Variants in MAST4 observed in about 807,000 individuals in gnomAD.
MAST4 encodes the protein microtubule associated serine/threonine kinase family member 4.
In MAST4, 89 loss-of-function variants were observed where a neutral mutation model predicts 162.7. The ratio of observed to expected loss-of-function variants is 0.55; its 90% CI spans 0.46 to 0.65. MAST4 has a LOEUF of 0.65. Among genes scored for constraint, MAST4 ranks in the 30% least tolerant of loss-of-function variants. The pLI is 0.00. For missense variants in MAST4, 3,153 were observed against 3,374.0 expected, an observed-to-expected ratio of 0.93 and a Z score of 1.62; for synonymous variants, 1,479 against 1,361.1, an observed-to-expected ratio of 1.09 and a Z score of -1.91.
At chr5:66,882,233 G>T (rs1277107766) in intron 3 of MAST4, among the ~76,000 whole-genome samples, 1 of 152,080 alleles carries the variant, frequency 6.6e-6, no homozygotes, top group East Asian at 1.9e-4. Context: ...AATTTATCCT[G>T]CCTAGGATTT....
chr5:66,674,103 C>G (rs1747804043), intron 1 of MAST4, among the ~76,000 whole-genome samples: 1 of 152,180 alleles, frequency 6.6e-6, no homozygotes, highest in Non-Finnish European at 1.5e-5. Context: ...TGTGGCTAAT[C>G]ATTGGGTCAT....
At chr5:66,937,144 A>G (rs192448139) in intron 4 of MAST4, among the ~76,000 whole-genome samples, 29 of 152,330 alleles carry the variant, frequency 1.9e-4, no homozygotes, top group Middle Eastern at 3.4e-3. Context: ...ACTATTTAAT[A>G]AATATTTAAG....
At chr5:66,933,069 C>A (rs938055155) in intron 4 of MAST4, among the ~76,000 whole-genome samples, 4 of 152,006 alleles carry the variant, frequency 2.6e-5, no homozygotes, top group African/African-American at 9.7e-5. Flanking sequence ...AGATTTTTTG[C>A]CTCTTCAACA....
chr5:66,972,209 A>G (rs1414344264), intron 4 of MAST4, among the ~76,000 whole-genome samples: 1 of 152,212 alleles, frequency 6.6e-6, no homozygotes, highest in Non-Finnish European at 1.5e-5. Context: ...TGCCTATTCT[A>G]ATTGAAGTGA....
At chr5:66,884,475 T>C (rs528936247) in intron 3 of MAST4, among the ~76,000 whole-genome samples, 1 of 152,312 alleles carries the variant, frequency 6.6e-6, no homozygotes, top group South Asian at 2.1e-4. Context: ...GGACTGTCAT[T>C]CTGTACACCT....
intron 5 of MAST4, among the ~76,000 whole-genome samples, chr5:67,079,035 G>A (rs1351024260): frequency 2.8e-5 from 4 of 143,908 alleles, no homozygotes; most frequent in African/African-American, 1.0e-4. Flanking sequence ...CATCCTATAT[G>A]TCACTAGTGA....
At chr5:67,145,492 A>G in intron 23 of MAST4, 113 bp downstream of exon 23, 1 of 795,982 alleles carries the variant, frequency 1.3e-6, no homozygotes, top group Non-Finnish European at 2.0e-6. Flanking sequence ...TTATGCTGCT[A>G]GACTTTCTCC....
At chr5:66,935,376 G>A (rs922454673) in intron 4 of MAST4, among the ~76,000 whole-genome samples, 2 of 152,144 alleles carry the variant, frequency 1.3e-5, no homozygotes, top group African/African-American at 4.8e-5. Context: ...CCATCTTCTA[G>A]GGTACCTATG....
chr5:66,866,584 T>TTAATAGTGC (rs1760538130), intron 3 of MAST4, among the ~76,000 whole-genome samples: 1 of 152,234 alleles, frequency 6.6e-6, no homozygotes, highest in African/African-American at 2.4e-5. Flanking sequence ...AGGGATCTCT[T>TTAATAGTGC]TAATAGTGCC....
chr5:67,081,288 G>C (rs927019093), intron 5 of MAST4, among the ~76,000 whole-genome samples: 1 of 150,914 alleles, frequency 6.6e-6, no homozygotes, highest in Non-Finnish European at 1.5e-5. Context: ...AACCCAGGAG[G>C]ATACCTGTGG....
In MAST4 at chr5:66,899,985, A is replaced by G. The variant is rs757506983; in HGVS notation, c.674+3A>G. The G allele has an allele frequency of 6.6e-6, 10 of 1,510,474 alleles. No individual in the cohort carries two copies. Among genetic ancestry groups the G allele is most frequent in the Middle Eastern group, 2.0e-4 (1 of 5,070 alleles). 93.6% of individuals were successfully genotyped at this position (1,510,474 alleles called of 1,614,324 possible). ...AGTCTCCCCAGAAGAGGAAGTTTGT[A>G]AGTAGTAGTATTTTGTTTCCTTGTT... On this transcript the variant is annotated splice_donor_region_variant and intron_variant, in intron 4 of 28. Transcript: ENST00000403625.
At chr5:67,085,218 C>T (rs373640085) in intron 5 of MAST4, among the ~76,000 whole-genome samples, 1 of 152,134 alleles carries the variant, frequency 6.6e-6, no homozygotes, top group African/African-American at 2.4e-5. Context: ...TTCTTTTCCC[C>T]TTTATTCCAC....
At chr5:66,659,554 G>T (rs966995129) in intron 1 of MAST4, among the ~76,000 whole-genome samples, 1 of 152,148 alleles carries the variant, frequency 6.6e-6, no homozygotes, top group African/African-American at 2.4e-5. Flanking sequence ...TAAAGATTCT[G>T]TTTAAAGTCA....
intron 3 of MAST4, among the ~76,000 whole-genome samples, chr5:66,845,937 T>A (rs1758824601): frequency 6.6e-6 from 1 of 152,174 alleles, no homozygotes; most frequent in East Asian, 1.9e-4. Flanking sequence ...GAAAGAATTA[T>A]AAACATAACA....
intron 4 of MAST4, among the ~76,000 whole-genome samples, chr5:66,990,105 T>C (rs1749906645): frequency 6.6e-6 from 1 of 152,192 alleles, no homozygotes. Flanking sequence ...GAATTATCGA[T>C]GGATTTCTAT....
intron 3 of MAST4, among the ~76,000 whole-genome samples, chr5:66,821,408 G>T (rs912773318): frequency 6.6e-6 from 1 of 152,036 alleles, no homozygotes; most frequent in Non-Finnish European, 1.5e-5. Flanking sequence ...TGTGGTTTTG[G>T]TATTTGTTCC....
At chr5:67,011,836 G>A (rs1299994145) in intron 4 of MAST4, among the ~76,000 whole-genome samples, 1 of 152,208 alleles carries the variant, frequency 6.6e-6, no homozygotes, top group Non-Finnish European at 1.5e-5. Flanking sequence ...TAGGTCTTTT[G>A]TGAGACAAGG....
intron 4 of MAST4, among the ~76,000 whole-genome samples, chr5:66,911,571 CCCCCGCAA>C (rs1436551310): frequency 1.2e-5 from 1 of 84,818 alleles, no homozygotes; most frequent in African/African-American, 4.8e-5. Context: ...CCCCCCCCCC[CCCCCGCAA>C]AAAAAAATTA....
chr5:66,737,977 G>A (rs895376), intron 1 of MAST4: 42,493 of 151,966 alleles, frequency 0.28, 6,537 homozygotes, highest in Non-Finnish European at 0.35. Context: ...AAATTAGAAC[G>A]GGGTGCATTG....
Sources: gnomAD v4.1 joint callset for allele counts (sites outside exome capture counted in the v4.1 genomes callset) on GRCh38, gnomAD v4.1.1 for gene constraint, MANE v1.5 for transcripts, NCBI Gene and HGNC (gene_info 2026-07-23, HGNC 2026-07-21) for gene names.